The following WNT9A variants were observed in gnomAD, a reference collection of about 807,000 sequenced individuals.
WNT9A encodes protein Wnt-9a.
WNT9A carries 8 observed loss-of-function variants against 31.4 expected under a neutral mutation model. The observed-to-expected ratio is 0.26, with a 90% CI of 0.15 to 0.46. The LOEUF is 0.46. Among genes scored for constraint, WNT9A ranks in the 20% least tolerant of loss-of-function variants. The pLI, the probability that WNT9A is intolerant of heterozygous loss-of-function variation, is 0.99. For synonymous variants in WNT9A, 236 were observed against 220.1 expected, an observed-to-expected ratio of 1.07 and a Z score of -0.64; for missense variants, 457 against 522.9, an observed-to-expected ratio of 0.87 and a Z score of 1.23.
rs1666419625 is a variant in WNT9A, at chr1:227,926,277, T to C, written c.96-758A>G. Among the ~76,000 whole-genome samples, 1 of 152,020 alleles carries C rather than the reference T, an allele frequency of 6.6e-6. No individual in the cohort carries two copies. The highest frequency in any genetic ancestry group is 2.4e-5 in the African/African-American group (1 of 41,376). On this transcript the variant is annotated intron_variant, in intron 1 of 3. Coordinates refer to ENST00000272164, the MANE Select transcript of WNT9A (RefSeq NM_003395.4). The surrounding 1 kb of genome is among the most constrained non-coding windows in gnomAD (Gnocchi z 5.0). ...CACCCTCCATCTTTACACGAGGCCTTGCACCAGTACCCAGCACTGAGGACG... is the reference window on the plus strand; with the variant it reads ...CACCCTCCATCTTTACACGAGGCCTCGCACCAGTACCCAGCACTGAGGACG...
In WNT9A at chr1:227,920,506, A is replaced by G. The variant is rs1666292999; in HGVS notation, c.*1012T>C. 6.6e-6 allele frequency: 1 copy of G among 152,196 alleles called. No homozygotes were observed. Among genetic ancestry groups the G allele is most frequent in the Admixed American group, 6.5e-5 (1 of 15,288 alleles). The allele number at this position is 152,196 out of a possible 1,614,324, so 9.4% of individuals were successfully genotyped here. On this transcript the variant is annotated 3_prime_UTR_variant, in exon 4 of 4. Transcript: ENST00000272164. ...GTCACTGATATTTACTCCAAAGAGA[A>G]GTGCTCAACGTCAGAGGTCGGCAGT...
chr1:227,923,059 A>G (rs1445125609), intron 3 of WNT9A, among the ~76,000 whole-genome samples: 1 of 152,200 alleles, frequency 6.6e-6, no homozygotes, highest in Non-Finnish European at 1.5e-5. Context: ...GGGGTCATAC[A>G]CAAAGGAAAA....
Position 227,921,329 on chromosome 1 carries a change from C to G in WNT9A, c.*189G>C. ...CTAGGACTGAGCCCAGGGACTCACC[C>G]CACGCTGCTAGGTCTGAGCCCAGGG... On this transcript the variant is annotated 3_prime_UTR_variant, in exon 4 of 4. Coordinates refer to ENST00000272164, the MANE Select transcript of WNT9A (RefSeq NM_003395.4). The G allele has an allele frequency of 1.1e-6, 1 of 876,772 alleles. No individual in the cohort carries two copies. The highest frequency in any genetic ancestry group is 1.7e-6 in the Non-Finnish European group (1 of 589,806). 54.3% of individuals were successfully genotyped at this position (876,772 alleles called of 1,614,324 possible). A position where few individuals can be genotyped will look rare whatever the true frequency, so the allele number is the denominator to read the frequency against.
At chr1:227,938,444 TAC>T (rs1246177581) in intron 1 of WNT9A, among the ~76,000 whole-genome samples, 2 of 148,744 alleles carry the variant, frequency 1.3e-5, no homozygotes, top group Admixed American at 6.7e-5. Flanking sequence ...CATAAACCCA[TAC>T]ACACAGACAC....
chr1:227,930,167 C>T (rs1335709285), intron 1 of WNT9A, among the ~76,000 whole-genome samples: 1 of 152,128 alleles, frequency 6.6e-6, no homozygotes, highest in Admixed American at 6.5e-5. Flanking sequence ...CAGCTGGGAA[C>T]GTCGGATCCA....
chr1:227,925,360 G>A lies in WNT9A; in HGVS notation c.255C>T (p.Ala85=), dbSNP rs751484625. 26 of 1,611,138 alleles carry A rather than the reference G, an allele frequency of 1.6e-5. No homozygotes were observed. The highest frequency in any genetic ancestry group is 6.7e-5 in the East Asian group (3 of 44,820). The change falls in exon 2 of 4, where the codon GCC becomes GCT. Residue 85 remains alanine (A), a synonymous_variant. Coordinates refer to ENST00000272164, the MANE Select transcript of WNT9A (RefSeq NM_003395.4). The surrounding 1 kb of genome is among the most constrained non-coding windows in gnomAD (Gnocchi z 6.0). ...GGCACTCGAGCGCACTCATGCTCAC[G>A]GCCTCCACCAGCGTCTCTGCCACGC... ...DPGVAETLVE[A]VSMSALECQF...
chr1:227,927,852 C>G (rs1229667337), intron 1 of WNT9A, among the ~76,000 whole-genome samples: 1 of 151,976 alleles, frequency 6.6e-6, no homozygotes, highest in African/African-American at 2.4e-5. Context: ...CTGCAAAACC[C>G]AACTGTGGGT....
chr1:227,945,843 C>A (rs594916), intron 1 of WNT9A, among the ~76,000 whole-genome samples: 82,365 of 151,924 alleles, frequency 0.54, 22,685 homozygotes, highest in African/African-American at 0.65. Context: ...AACTGACTTA[C>A]AGGGGGCCCA....
rs959909824 is a variant in WNT9A at position 227,926,295 on chromosome 1, T to C, written c.96-776A>G. ...GAGGCCTTGCACCAGTACCCAGCAC[T>C]GAGGACGCATCCCCAACCTCAACTG... is the stretch of plus-strand genomic sequence containing the variant. On this transcript the variant is annotated intron_variant, in intron 1 of 3. Transcript: ENST00000272164. This position sits in a 1 kb window ranked among gnomAD's most constrained non-coding sequence, Gnocchi z 5.0. Among the ~76,000 whole-genome samples, 3 of 152,060 alleles carry C rather than the reference T, an allele frequency of 2.0e-5. No homozygotes were observed. The highest frequency in any genetic ancestry group is 4.4e-5 in the Non-Finnish European group (3 of 67,992).
In WNT9A at chr1:227,919,438, A is replaced by G. The variant is rs4233231; in HGVS notation, c.*2080T>C. ...TTATGTACTATAACACAGGGACGGC[A>G]GAGACCCACAGCAACATAAATAGGT... On this transcript the variant is annotated 3_prime_UTR_variant, in exon 4 of 4. Coordinates refer to ENST00000272164, the MANE Select transcript of WNT9A (RefSeq NM_003395.4). 92,933 of 152,012 alleles carry G rather than the reference A, an allele frequency of 0.61. 28,603 individuals are homozygous for G. Among genetic ancestry groups the G allele is most frequent in the East Asian group, 0.71 (3,661 of 5,172 alleles). 9.4% of individuals were successfully genotyped at this position (152,012 alleles called of 1,614,324 possible). A position where few individuals can be genotyped will look rare whatever the true frequency, so the allele number is the denominator to read the frequency against.
intron 1 of WNT9A, among the ~76,000 whole-genome samples, chr1:227,934,036 A>C (rs1666551030): frequency 6.6e-6 from 1 of 152,212 alleles, no homozygotes. Flanking sequence ...CCTCCTCTTA[A>C]GGGTGAATCC....
chr1:227,931,152 T>G (rs374500968), intron 1 of WNT9A, among the ~76,000 whole-genome samples: 2 of 152,072 alleles, frequency 1.3e-5, no homozygotes, highest in Non-Finnish European at 1.5e-5. Context: ...AGTGGCACAA[T>G]GACAGCTCAC....
At chr1:227,937,410 TG>T (rs1028671214) in intron 1 of WNT9A, among the ~76,000 whole-genome samples, 10 of 152,178 alleles carry the variant, frequency 6.6e-5, no homozygotes, top group Admixed American at 3.3e-4. Context: ...CTACAGTAGG[TG>T]GAATGGTGTC....
At position 227,925,005 on chromosome 1, in the gene WNT9A, C is replaced by T. The variant is rs1167973248; in HGVS notation, c.352+258G>A. Among the ~76,000 whole-genome samples, 1 of 151,990 alleles carries T rather than the reference C, an allele frequency of 6.6e-6. No individual in the cohort carries two copies. Among genetic ancestry groups the T allele is most frequent in the Non-Finnish European group, 1.5e-5 (1 of 67,960 alleles). On this transcript the variant is annotated intron_variant, in intron 2 of 3. Coordinates refer to ENST00000272164, the MANE Select transcript of WNT9A (RefSeq NM_003395.4). This position sits in a 1 kb window ranked among gnomAD's most constrained non-coding sequence, Gnocchi z 6.0. ...GGCTGTCGGGGCAGCCCCGGGTAGC[C>T]TGGGGCCCCGTCAAAGGCCGAGTCA...
rs1648409935 is a variant in WNT9A, at chr1:227,938,318, T to C, written c.95+9475A>G. ...ACGCATACACACACACATATACCCA[T>C]ACATACACACCCATACAAACCTATA... On this transcript the variant is annotated intron_variant, in intron 1 of 3. Coordinates refer to ENST00000272164, the MANE Select transcript of WNT9A (RefSeq NM_003395.4). 2.1e-5 allele frequency among the ~76,000 whole-genome samples: 3 copies of C among 139,706 alleles called. No homozygotes were observed. The Admixed American group carries it at 2.2e-4, about 10-fold the overall frequency. 91.7% of individuals were successfully genotyped at this position (139,706 alleles called of 152,430 possible). A position where few individuals can be genotyped will look rare whatever the true frequency, so the allele number is the denominator to read the frequency against.
At position 227,931,074 on chromosome 1, in the gene WNT9A, T is replaced by TCTTC. The variant is rs546868517; in HGVS notation, c.96-5559_96-5556dup. Among the ~76,000 whole-genome samples the TCTTC allele has an allele frequency of 2.9e-3, 433 of 151,732 alleles. 1 individual carries two copies. Among genetic ancestry groups the TCTTC allele is most frequent in the Non-Finnish European group, 4.8e-3 (326 of 67,884 alleles). The stretch of plus-strand genomic sequence containing the variant: ...CTTTTGAGGTATGACTCTTCTCTCA[T>TCTTC]CTTCCTTCCTTCCTTCCTTCCTTTT... On this transcript the variant is annotated intron_variant, in intron 1 of 3. Transcript: ENST00000272164.
In WNT9A at chr1:227,919,091, T is replaced by A. The variant is rs1174003314; in HGVS notation, c.*2427A>T. 1 of 152,238 alleles carries A rather than the reference T, an allele frequency of 6.6e-6. No individual in the cohort carries two copies. Among genetic ancestry groups the A allele is most frequent in the South Asian group, 2.1e-4 (1 of 4,830 alleles). 9.4% of individuals were successfully genotyped at this position (152,238 alleles called of 1,614,324 possible). A position where few individuals can be genotyped will look rare whatever the true frequency, so the allele number is the denominator to read the frequency against. On this transcript the variant is annotated 3_prime_UTR_variant, in exon 4 of 4. Coordinates refer to ENST00000272164, the MANE Select transcript of WNT9A (RefSeq NM_003395.4). Reference sequence around the variant, plus strand: ...TTTTGGTCTGCCTTGTTTAAAAAAATAGTTTTCTGAATATTTATGACATAG... The same window carrying A: ...TTTTGGTCTGCCTTGTTTAAAAAAAAAGTTTTCTGAATATTTATGACATAG...
intron 1 of WNT9A, among the ~76,000 whole-genome samples, chr1:227,945,504 G>A (rs923105808): frequency 3.9e-5 from 6 of 152,314 alleles, no homozygotes; most frequent in South Asian, 2.1e-4. Flanking sequence ...GTGGGTCCAC[G>A]TGACCCTCCC....
intron 1 of WNT9A, among the ~76,000 whole-genome samples, chr1:227,931,359 C>A (rs1037941180): frequency 6.6e-6 from 1 of 152,176 alleles, no homozygotes; most frequent in Non-Finnish European, 1.5e-5. Flanking sequence ...AGTTTCAGTG[C>A]CTGTGTGAAG....
Sources: gnomAD v4.1 joint callset for allele counts (sites outside exome capture counted in the v4.1 genomes callset) on GRCh38, gnomAD v4.1.1 for gene constraint, Gnocchi (gnomAD v3.1) non-coding constraint, MANE v1.5 for transcripts, NCBI Gene and HGNC (gene_info 2026-07-23, HGNC 2026-07-21) for gene names.